Variants in ASB3 observed in about 807,000 individuals in gnomAD.
The protein encoded by ASB3 is ankyrin repeat and SOCS box protein 3.
A neutral mutation model predicts 54.5 loss-of-function variants in ASB3; 41 were observed. That is an observed-to-expected ratio of 0.75 (90% confidence interval 0.59 to 0.98). ASB3 has a LOEUF of 0.98. Ranked by LOEUF, ASB3 falls within the 50% of genes least tolerant of loss-of-function variation. The pLI is 0.00. For missense variants in ASB3, 733 were observed against 620.0 expected (o/e 1.18, Z -1.94); for synonymous variants, 266 against 221.2 (o/e 1.20, Z -1.80).
intron 1 of ASB3, among the ~76,000 whole-genome samples, chr2:53,780,829 T>C (rs1010016122): frequency 3.3e-5 from 5 of 152,018 alleles, no homozygotes; most frequent in African/African-American, 1.2e-4. Flanking sequence ...AAAGGCAAAT[T>C]ACCAATTCAA....
At chr2:53,692,345 T>C (rs1031945356) in intron 9 of ASB3, among the ~76,000 whole-genome samples, 4 of 152,120 alleles carry the variant, frequency 2.6e-5, no homozygotes, top group African/African-American at 7.2e-5. Flanking sequence ...AGATAGCAAA[T>C]GGAGATGTCC....
At chr2:53,674,308 C>G (rs1032537369) in intron 9 of ASB3, among the ~76,000 whole-genome samples, 1 of 152,096 alleles carries the variant, frequency 6.6e-6, no homozygotes, top group Non-Finnish European at 1.5e-5. Context: ...CATTTTTATT[C>G]AATATGTTAA....
chr2:53,727,500 G>T (rs150532379), intron 5 of ASB3, among the ~76,000 whole-genome samples: 76 of 152,162 alleles, frequency 5.0e-4, no homozygotes, highest in African/African-American at 1.8e-3. Context: ...GCTGGGCATG[G>T]TGAAATGCAC....
intron 9 of ASB3, among the ~76,000 whole-genome samples, chr2:53,681,955 C>T (rs774034571): frequency 6.6e-5 from 10 of 151,742 alleles, no homozygotes; most frequent in Non-Finnish European, 1.0e-4. Context: ...GTCAGGAGTT[C>T]GAGACCAGCC....
At chr2:53,682,844 G>C (rs1668448631) in intron 9 of ASB3, among the ~76,000 whole-genome samples, 2 of 152,166 alleles carry the variant, frequency 1.3e-5, no homozygotes, top group South Asian at 2.1e-4. Flanking sequence ...AAAACTTATT[G>C]AATCTGTTCA....
intron 7 of ASB3, among the ~76,000 whole-genome samples, chr2:53,711,191 G>C (rs1670075375): frequency 6.6e-6 from 1 of 152,132 alleles, no homozygotes; most frequent in Non-Finnish European, 1.5e-5. Context: ...CTTGGGGTAA[G>C]TCAGGAATAT....
At position 53,759,624 on chromosome 2, in the gene ASB3, G is replaced by T. The variant is rs528970193; in HGVS notation, c.196+5753C>A. Among the ~76,000 whole-genome samples the T allele has an allele frequency of 2.0e-5, 3 of 152,284 alleles. No homozygotes were observed. The South Asian group carries it at 6.2e-4, about 32-fold the overall frequency. On this transcript the variant is annotated intron_variant, in intron 2 of 9. Coordinates refer to ENST00000263634, the MANE Select transcript of ASB3 (RefSeq NM_016115.5). Reference sequence around the variant, plus strand: ...TTTAGTCATGGTCTTCAGGCAAATGGACTTTGAAGGCTCTGGAACAGGGAA... The same window carrying T: ...TTTAGTCATGGTCTTCAGGCAAATGTACTTTGAAGGCTCTGGAACAGGGAA...
chr2:53,698,941 G>A (rs371504696), intron 8 of ASB3, among the ~76,000 whole-genome samples: 19 of 152,218 alleles, frequency 1.2e-4, no homozygotes, highest in South Asian at 2.1e-4. Flanking sequence ...TTAGGTAATC[G>A]TTATGAGCAA....
At chr2:53,702,784 A>C (rs1289937408) in intron 7 of ASB3, among the ~76,000 whole-genome samples, 1 of 152,236 alleles carries the variant, frequency 6.6e-6, no homozygotes, top group Non-Finnish European at 1.5e-5. Flanking sequence ...CAGTAAGAGA[A>C]AATTCAACAT....
intron 9 of ASB3, among the ~76,000 whole-genome samples, chr2:53,686,230 T>G (rs1668625143): frequency 6.6e-6 from 1 of 152,198 alleles, no homozygotes; most frequent in African/African-American, 2.4e-5. Context: ...TACTTCTGGA[T>G]GGTTATTTTA....
intron 3 of ASB3, among the ~76,000 whole-genome samples, chr2:53,730,414 T>C (rs747529958): frequency 3.9e-5 from 6 of 152,188 alleles, no homozygotes; most frequent in Admixed American, 2.0e-4. Context: ...GTAAGACATG[T>C]ATAAGAAGGT....
chr2:53,758,343 G>C (rs1158821004), intron 2 of ASB3, among the ~76,000 whole-genome samples: 1 of 152,186 alleles, frequency 6.6e-6, no homozygotes, highest in Non-Finnish European at 1.5e-5. Context: ...GCAACAAAAA[G>C]TTTAAGATTG....
chr2:53,729,455 T>C lies in ASB3; in HGVS notation c.468+3A>G. On this transcript the variant is annotated splice_donor_region_variant and intron_variant, in intron 4 of 9. Coordinates refer to ENST00000263634, the MANE Select transcript of ASB3 (RefSeq NM_016115.5). ...GAAATGAAATAATAAATTCAGAGGT[T>C]ACCTGAAAAGAAGCCTGGTGCAAGG... 1.2e-6 allele frequency: 2 copies of C among 1,612,690 alleles called. No homozygotes were observed. Among genetic ancestry groups the C allele is most frequent in the South Asian group, 2.2e-5 (2 of 91,006 alleles).
chr2:53,712,038 GCAAAC>G (rs1670128885), intron 7 of ASB3, among the ~76,000 whole-genome samples: 1 of 151,954 alleles, frequency 6.6e-6, no homozygotes, highest in Non-Finnish European at 1.5e-5. Context: ...GACATAAAAA[GCAAAC>G]CAAACTGTGG....
rs1473423796 is a variant in ASB3, at chr2:53,729,555, T to C, written c.371A>G (p.Gln124Arg). The C allele has an allele frequency of 1.2e-6, 2 of 1,613,818 alleles. No homozygotes were observed. Among genetic ancestry groups the C allele is most frequent in the East Asian group, 4.5e-5 (2 of 44,860 alleles). Reference sequence around the variant, plus strand: ...AAGCAACAGCCTTAACACATCTATCTGTCCATTTTCAACAGCTGTAATACA... The same window carrying C: ...AAGCAACAGCCTTAACACATCTATCCGTCCATTTTCAACAGCTGTAATACA... Reference protein sequence around the residue: ...TPLFLAVENGQIDVLRLLLQH... With the variant: ...TPLFLAVENGRIDVLRLLLQH... The change falls in exon 4 of 10, where the codon CAG (glutamine) becomes CGG (arginine). Residue 124 changes from glutamine (Q) to arginine (R), a missense_variant. Transcript: ENST00000263634.
intron 1 of ASB3, among the ~76,000 whole-genome samples, chr2:53,770,788 T>C (rs975872455): frequency 6.6e-6 from 1 of 152,210 alleles, no homozygotes; most frequent in African/African-American, 2.4e-5. Context: ...ACACAAGTGG[T>C]CTGATTGTCC....
chr2:53,786,750 C>T (rs756875277), intron 1 of ASB3, 71 bp downstream of exon 1: 9 of 164,346 alleles, frequency 5.5e-5, no homozygotes, highest in Non-Finnish European at 7.9e-5. Context: ...GTGGGTCAAA[C>T]CTCTGCCTGC....
chr2:53,769,590 T>C (rs1673747248), intron 1 of ASB3, among the ~76,000 whole-genome samples: 1 of 152,238 alleles, frequency 6.6e-6, no homozygotes, highest in Non-Finnish European at 1.5e-5. Flanking sequence ...TTCCCGCCTA[T>C]AATCCCAGCA....
chr2:53,773,786 G>C (rs1448346584), intron 1 of ASB3, among the ~76,000 whole-genome samples: 1 of 150,702 alleles, frequency 6.6e-6, no homozygotes, highest in African/African-American at 2.4e-5. Flanking sequence ...TGTAATCCCA[G>C]CACACTGGGA....
Sources: allele counts gnomAD v4.1 joint callset (sites outside exome capture counted in the v4.1 genomes callset), GRCh38; gene constraint gnomAD v4.1.1; transcripts MANE v1.5; gene names NCBI Gene and HGNC (gene_info 2026-07-23, HGNC 2026-07-21).